USP15: variants seen among roughly 807,000 people sequenced by gnomAD.
USP15 encodes ubiquitin carboxyl-terminal hydrolase 15.
Under a neutral mutation model 127.1 loss-of-function variants are expected in USP15, and 18 were observed. That is an observed-to-expected ratio of 0.14 (90% CI 0.10 to 0.21). The LOEUF is 0.21. USP15 is among the 10% of genes least tolerant of loss of function. The probability of loss-of-function intolerance (pLI) is 1.00; values close to 1 mark genes in which losing one functional copy is unlikely to be tolerated. For missense variants in USP15, 805 were observed against 1,159.9 expected (o/e 0.69, Z 4.44); for synonymous variants, 364 against 393.7 (o/e 0.92, Z 0.89).
intron 6 of USP15, chr12:62,328,362 A>G (rs1300848630): frequency 4.6e-6 from 2 of 436,540 alleles, no homozygotes; most frequent in African/African-American, 4.0e-5. Flanking sequence ...CTTAGACATC[A>G]TGTCAAGACA....
chr12:62,366,777 C>G (rs1470127178), intron 8 of USP15, among the ~76,000 whole-genome samples: 1 of 152,072 alleles, frequency 6.6e-6, no homozygotes. Context: ...TGAATTTTGT[C>G]GAAGGCCTTT....
intron 6 of USP15, among the ~76,000 whole-genome samples, chr12:62,331,087 A>G (rs1280160517): frequency 6.6e-6 from 1 of 152,192 alleles, no homozygotes; most frequent in Admixed American, 6.5e-5. Flanking sequence ...AAATTCTCAC[A>G]TTTGCCAGAA....
intron 1 of USP15, among the ~76,000 whole-genome samples, chr12:62,279,639 T>C (rs994237472): frequency 5.3e-5 from 8 of 152,180 alleles, no homozygotes; most frequent in Admixed American, 2.0e-4. Context: ...ACCTTTTGTT[T>C]TTTTCAATAA....
intron 8 of USP15, among the ~76,000 whole-genome samples, chr12:62,379,745 TCTGA>T: frequency 6.6e-6 from 1 of 152,250 alleles, no homozygotes; most frequent in East Asian, 1.9e-4. Context: ...CTGTCCTTTG[TCTGA>T]CTATTTAATG....
chr12:62,261,405 G>A (rs61919227), intron 1 of USP15, among the ~76,000 whole-genome samples: 1 of 152,058 alleles, frequency 6.6e-6, no homozygotes, highest in Non-Finnish European at 1.5e-5. Context: ...TATTTTTTGG[G>A]AAGCATAATG....
At chr12:62,366,031 T>C (rs991782956) in intron 8 of USP15, among the ~76,000 whole-genome samples, 2 of 152,248 alleles carry the variant, frequency 1.3e-5, no homozygotes, top group Non-Finnish European at 2.9e-5. Context: ...GTCTTGGCTA[T>C]GCCGGCTCTT....
chr12:62,291,752 ACT>A (rs557643409), intron 1 of USP15, among the ~76,000 whole-genome samples: 59 of 152,166 alleles, frequency 3.9e-4, no homozygotes, highest in African/African-American at 1.4e-3. Flanking sequence ...AGTGGCAAAG[ACT>A]CTATATGAAT....
At chr12:62,366,302 C>G (rs1281656190) in intron 8 of USP15, among the ~76,000 whole-genome samples, 3 of 152,120 alleles carry the variant, frequency 2.0e-5, no homozygotes, top group Non-Finnish European at 4.4e-5. Context: ...ATTTTATTCC[C>G]TTAGTAGCAA....
At chr12:62,309,239 A>G (rs528089022) in intron 3 of USP15, among the ~76,000 whole-genome samples, 1 of 152,264 alleles carries the variant, frequency 6.6e-6, no homozygotes, top group East Asian at 1.9e-4. Flanking sequence ...TTGCGAATGA[A>G]AAAGGAAACA....
chr12:62,265,313 A>G (rs1473488602), intron 1 of USP15, among the ~76,000 whole-genome samples: 2 of 152,240 alleles, frequency 1.3e-5, no homozygotes, highest in Non-Finnish European at 2.9e-5. Context: ...ATGACCTGTA[A>G]TATTACATTT....
At chr12:62,300,272 A>G (rs2064269378) in intron 2 of USP15, among the ~76,000 whole-genome samples, 1 of 151,990 alleles carries the variant, frequency 6.6e-6, no homozygotes, top group African/African-American at 2.4e-5. Flanking sequence ...TACGAGTTTT[A>G]TAGTTTTGGC....
chr12:62,282,087 G>A (rs1298022783), intron 1 of USP15, among the ~76,000 whole-genome samples: 1 of 152,022 alleles, frequency 6.6e-6, no homozygotes. Context: ...CAGCACTTTC[G>A]GAGGCCAAAG....
intron 6 of USP15, among the ~76,000 whole-genome samples, chr12:62,346,996 T>A (rs2065838576): frequency 6.6e-6 from 1 of 151,958 alleles, no homozygotes; most frequent in Non-Finnish European, 1.5e-5. Flanking sequence ...CCTACAAAAT[T>A]TTATATTAGA....
chr12:62,282,061 C>G (rs1240817919), intron 1 of USP15, among the ~76,000 whole-genome samples: 1 of 152,188 alleles, frequency 6.6e-6, no homozygotes, highest in South Asian at 2.1e-4. Flanking sequence ...GGCACACTGG[C>G]TCATGTCTGT....
intron 1 of USP15, among the ~76,000 whole-genome samples, chr12:62,289,740 T>A (rs1293780335): frequency 6.6e-6 from 1 of 151,382 alleles, no homozygotes; most frequent in African/African-American, 2.4e-5. Flanking sequence ...TGTGTGTGTT[T>A]AGACAGCAGT....
intron 17 of USP15, 67 bp downstream of exon 17, chr12:62,391,953 C>T: frequency 1.4e-6 from 2 of 1,413,004 alleles, no homozygotes; most frequent in Non-Finnish European, 1.9e-6. Flanking sequence ...CAGAGATAAT[C>T]ATACTGTTGT....
intron 8 of USP15, among the ~76,000 whole-genome samples, chr12:62,359,911 A>G (rs1290803957): frequency 6.6e-6 from 1 of 152,078 alleles, no homozygotes; most frequent in East Asian, 1.9e-4. Context: ...CATTGGTTCA[A>G]ATAATATAAT....
At chr12:62,400,651 G>A (rs1040452875) in intron 20 of USP15, among the ~76,000 whole-genome samples, 5 of 151,532 alleles carry the variant, frequency 3.3e-5, no homozygotes, top group South Asian at 2.1e-4. Context: ...ATGAGTAGAG[G>A]TATCAGAAAA....
At chr12:62,290,186 A>G (rs140475664) in intron 1 of USP15, among the ~76,000 whole-genome samples, 4 of 152,286 alleles carry the variant, frequency 2.6e-5, no homozygotes, top group African/African-American at 4.8e-5. Context: ...TGTCCTGATG[A>G]TCTGTCTAGT....
Sources: gnomAD v4.1 joint callset for allele counts (sites outside exome capture counted in the v4.1 genomes callset) on GRCh38, gnomAD v4.1.1 for gene constraint, MANE v1.5 for transcripts, NCBI Gene and HGNC (gene_info 2026-07-23, HGNC 2026-07-21) for gene names.